PRKG1: variants seen among roughly 807,000 people sequenced by gnomAD.
PRKG1 encodes the protein protein kinase cGMP-dependent 1, also known as cGMP-dependent protein kinase 1.
PRKG1 carries 35 observed loss-of-function variants against 88.1 expected under a neutral mutation model. The observed-to-expected ratio is 0.40, with a 90% CI of 0.30 to 0.53. The LOEUF is 0.53. PRKG1 is among the 20% of genes least tolerant of loss of function. The pLI, the probability that PRKG1 is intolerant of heterozygous loss-of-function variation, is 0.59. For missense variants in PRKG1, 540 were observed against 839.8 expected (o/e 0.64, Z 4.41); for synonymous variants, 303 against 292.5 (o/e 1.04, Z -0.37).
intron 2 of PRKG1, among the ~76,000 whole-genome samples, chr10:51,268,665 A>G (rs1564662803): frequency 6.6e-6 from 1 of 152,132 alleles, no homozygotes; most frequent in Non-Finnish European, 1.5e-5. Flanking sequence ...GTTTAAACAC[A>G]CATGCTCTAC....
chr10:52,116,950 C>A (rs1847700942), intron 7 of PRKG1, among the ~76,000 whole-genome samples: 1 of 151,924 alleles, frequency 6.6e-6, no homozygotes, highest in Non-Finnish European at 1.5e-5. Context: ...AACTCTTCAG[C>A]CTGCTTTTCT....
chr10:51,577,195 C>T (rs903825940), intron 3 of PRKG1, among the ~76,000 whole-genome samples: 10 of 151,800 alleles, frequency 6.6e-5, no homozygotes, highest in African/African-American at 2.4e-4. Context: ...ATTTTTGGTA[C>T]GTTATTTCCC....
chr10:51,095,915 G>C (rs1844516585), intron 1 of PRKG1, among the ~76,000 whole-genome samples: 1 of 152,090 alleles, frequency 6.6e-6, no homozygotes, highest in African/African-American at 2.4e-5. Context: ...AGGCTAAAAG[G>C]ATCTGGAAAA....
At chr10:51,405,796 G>A (rs1837893148) in intron 2 of PRKG1, among the ~76,000 whole-genome samples, 1 of 152,134 alleles carries the variant, frequency 6.6e-6, no homozygotes, top group Non-Finnish European at 1.5e-5. Flanking sequence ...GAATGGATGT[G>A]GAAACCACGT....
chr10:51,063,931 T>C (rs1843720408), intron 1 of PRKG1, among the ~76,000 whole-genome samples: 2 of 152,214 alleles, frequency 1.3e-5, no homozygotes, highest in South Asian at 4.2e-4. Flanking sequence ...ATTTGAAGAA[T>C]GTACTGTTTG....
At chr10:52,154,392 G>C (rs573733998) in intron 8 of PRKG1, among the ~76,000 whole-genome samples, 1 of 152,238 alleles carries the variant, frequency 6.6e-6, no homozygotes, top group South Asian at 2.1e-4. Context: ...TGCTAGAAAA[G>C]TTCCTAAACT....
At position 51,462,021 on chromosome 10, in the gene PRKG1, A is replaced by G. The variant is rs992281295; in HGVS notation, c.479-5702A>G. Among the ~76,000 whole-genome samples, 3 of 152,252 alleles carry G rather than the reference A, an allele frequency of 2.0e-5. 1 individual carries two copies. In the South Asian group the frequency reaches 6.2e-4, roughly 31 times the overall value. The stretch of plus-strand genomic sequence containing the variant: ...AGGAAAATACATCCTTGCTGGTGAC[A>G]GCACAGCTCCACTACCAGAATATTG... On this transcript the variant is annotated intron_variant, in intron 2 of 17. Transcript: ENST00000373980.
At chr10:51,805,227 T>A (rs1839273889) in intron 4 of PRKG1, among the ~76,000 whole-genome samples, 1 of 152,052 alleles carries the variant, frequency 6.6e-6, no homozygotes, top group African/African-American at 2.4e-5. Flanking sequence ...AAAATTCATT[T>A]TATGCTACAG....
chr10:51,332,707 G>A (rs954207398), intron 2 of PRKG1, among the ~76,000 whole-genome samples: 2 of 152,176 alleles, frequency 1.3e-5, no homozygotes, highest in African/African-American at 4.8e-5. Flanking sequence ...GAATCGATTA[G>A]TATAGTTACT....
chr10:52,073,091 C>T (rs1007610083), intron 7 of PRKG1, among the ~76,000 whole-genome samples: 2 of 152,174 alleles, frequency 1.3e-5, no homozygotes, highest in Non-Finnish European at 2.9e-5. Flanking sequence ...TCCCAGCAGT[C>T]CTTGGCATTT....
chr10:51,864,947 A>G (rs1275688760), intron 4 of PRKG1, among the ~76,000 whole-genome samples: 1 of 152,158 alleles, frequency 6.6e-6, no homozygotes, highest in Non-Finnish European at 1.5e-5. Context: ...CTGTAAATCA[A>G]TTAAGGTGTG....
intron 2 of PRKG1, among the ~76,000 whole-genome samples, chr10:51,239,762 C>A (rs1839101352): frequency 6.6e-6 from 1 of 152,114 alleles, no homozygotes; most frequent in African/African-American, 2.4e-5. Flanking sequence ...TGAACCAGAT[C>A]GACCTGGGTT....
chr10:51,449,053 T>C (rs293259), intron 2 of PRKG1, among the ~76,000 whole-genome samples: 64,531 of 151,768 alleles, frequency 0.43, 16,125 homozygotes, highest in African/African-American at 0.69. Context: ...AATGAATTTT[T>C]AAGCTACCTC....
intron 3 of PRKG1, among the ~76,000 whole-genome samples, chr10:51,783,065 A>G (rs1838635425): frequency 1.3e-5 from 2 of 152,064 alleles, no homozygotes; most frequent in South Asian, 4.1e-4. Context: ...AACTCTTAGT[A>G]TTAAAAAAAG....
chr10:51,183,202 A>G (rs1837395002), intron 2 of PRKG1, among the ~76,000 whole-genome samples: 1 of 152,198 alleles, frequency 6.6e-6, no homozygotes, highest in African/African-American at 2.4e-5. Context: ...GTATGTAATG[A>G]CAATGCCACC....
chr10:52,015,661 C>A (rs1030450323), intron 5 of PRKG1, among the ~76,000 whole-genome samples: 3 of 152,286 alleles, frequency 2.0e-5, no homozygotes, highest in African/African-American at 7.2e-5. Flanking sequence ...ATTTTTCAAA[C>A]CTTTATGCTT....
At chr10:51,421,634 A>G (rs1238625869) in intron 2 of PRKG1, among the ~76,000 whole-genome samples, 2 of 152,036 alleles carry the variant, frequency 1.3e-5, no homozygotes, top group Non-Finnish European at 2.9e-5. Flanking sequence ...TCTATCCTCC[A>G]TGTCTGTCTC....
intron 2 of PRKG1, among the ~76,000 whole-genome samples, chr10:51,214,619 A>G (rs1838321099): frequency 6.6e-6 from 1 of 151,930 alleles, no homozygotes. Context: ...CTGGGGCCAG[A>G]GTCGCTTGCC....
At chr10:52,269,064 A>T (rs114904484) in intron 10 of PRKG1, among the ~76,000 whole-genome samples, 1,633 of 133,598 alleles carry the variant, frequency 0.012, 30 homozygotes, top group African/African-American at 0.049. Flanking sequence ...GTACAAGTAT[A>T]AAAAAAAAAA....
Sources: allele counts gnomAD v4.1 joint callset (sites outside exome capture counted in the v4.1 genomes callset), GRCh38; gene constraint gnomAD v4.1.1; transcripts MANE v1.5; gene names NCBI Gene and HGNC (gene_info 2026-07-23, HGNC 2026-07-21).